Variants in LRP1B observed in about 807,000 individuals in gnomAD.
LRP1B encodes LDL receptor related protein 1B.
A neutral mutation model predicts 556.6 loss-of-function variants in LRP1B; 217 were observed. The ratio of observed to expected loss-of-function variants is 0.39; its 90% confidence interval spans 0.35 to 0.44. The LOEUF is 0.44. LRP1B is among the 20% of genes least tolerant of loss of function. LRP1B has a pLI of 1.00. For synonymous variants in LRP1B, 2,047 were observed against 1,865.8 expected, an observed-to-expected ratio of 1.10 and a Z score of -2.50; for missense variants, 5,053 against 5,620.8, an observed-to-expected ratio of 0.90 and a Z score of 3.23.
chr2:141,498,794 C>G (rs1158635421), intron 2 of LRP1B, among the ~76,000 whole-genome samples: 1 of 152,048 alleles, frequency 6.6e-6, no homozygotes, highest in Non-Finnish European at 1.5e-5. Flanking sequence ...ATCTCTGCCA[C>G]AGACATTCTC....
chr2:142,027,217 C>T (rs140831031), intron 1 of LRP1B, among the ~76,000 whole-genome samples: 243 of 151,270 alleles, frequency 1.6e-3, no homozygotes, highest in African/African-American at 5.6e-3. Flanking sequence ...AATGAGGATC[C>T]CCAAATTAAA....
At chr2:141,450,581 A>AT (rs1553516558) in intron 3 of LRP1B, among the ~76,000 whole-genome samples, 2 of 150,644 alleles carry the variant, frequency 1.3e-5, no homozygotes, top group Middle Eastern at 3.5e-3. Flanking sequence ...ATTTTAAAAA[A>AT]AAATATATAT....
In LRP1B at chr2:140,886,267, C is replaced by T. The variant is rs771606987; in HGVS notation, c.3835G>A (p.Asp1279Asn). 2 of 1,610,050 alleles carry T rather than the reference C, an allele frequency of 1.2e-6. No individual in the cohort carries two copies. The highest frequency in any genetic ancestry group is 2.2e-5 in the East Asian group (1 of 44,624). ...EIRRIDLHKR[D>N]YSLLVPGLRN... ...AATCCAGGAACAAGTAGACTATAGT[C>T]TCTTTTGTGAAGATCAATCCTTCTG... Residue 1279 changes from aspartate (D) to asparagine (N), a missense_variant, in exon 24 of 91, where the codon GAC (aspartate) becomes AAC (asparagine). This residue lies in a region of LRP1B where 3,619 missense variants were observed against 3,931.9 expected (regional missense o/e 0.92). Transcript: ENST00000389484.
Position 140,626,711 on chromosome 2 carries a change from A to T in LRP1B, c.6800-25072T>A, listed in dbSNP as rs1269225602. Among the ~76,000 whole-genome samples the T allele has an allele frequency of 1.7e-4, 26 of 151,790 alleles. No individual in the cohort carries two copies. In the East Asian group the frequency reaches 4.8e-3, roughly 28 times the overall value. On this transcript the variant is annotated intron_variant, in intron 41 of 90. Coordinates refer to ENST00000389484, the MANE Select transcript of LRP1B (RefSeq NM_018557.3). ...TTTAAAGCTTCCATTTAAAAAAAAAAAAAAAAGAGTAAATAAGGATCATCC... is the reference window on the plus strand; with the variant it reads ...TTTAAAGCTTCCATTTAAAAAAAAATAAAAAAGAGTAAATAAGGATCATCC...
chr2:140,909,173 A>G (rs1389945111), intron 21 of LRP1B, among the ~76,000 whole-genome samples: 5 of 152,154 alleles, frequency 3.3e-5, no homozygotes, highest in Non-Finnish European at 5.9e-5. Flanking sequence ...CTTATTAATT[A>G]TCTTTTCCAG....
intron 43 of LRP1B, among the ~76,000 whole-genome samples, chr2:140,593,652 G>A (rs1018509339): frequency 3.3e-5 from 5 of 151,906 alleles, no homozygotes; most frequent in Admixed American, 6.6e-5. Context: ...TTTTATCAAT[G>A]CAAGTCAAAA....
At chr2:140,694,096 T>C (rs1322977844) in intron 41 of LRP1B, among the ~76,000 whole-genome samples, 1 of 152,220 alleles carries the variant, frequency 6.6e-6, no homozygotes, top group African/African-American at 2.4e-5. Flanking sequence ...AAATATGCTA[T>C]GTTTAGTTAA....
chr2:140,619,384 A>G (rs1234590682), intron 41 of LRP1B, among the ~76,000 whole-genome samples: 1 of 152,142 alleles, frequency 6.6e-6, no homozygotes, highest in Non-Finnish European at 1.5e-5. Context: ...ATGTATATGT[A>G]TATACTTTTT....
chr2:141,085,198 AAC>A (rs1231800208), intron 7 of LRP1B, among the ~76,000 whole-genome samples: 1 of 152,096 alleles, frequency 6.6e-6, no homozygotes, highest in African/African-American at 2.4e-5. Flanking sequence ...TATATAGACA[AAC>A]ATTTTTTTCC....
intron 3 of LRP1B, among the ~76,000 whole-genome samples, chr2:141,434,463 GT>G (rs58419002): frequency 0.44 from 67,338 of 151,476 alleles, 15,717 homozygotes; most frequent in East Asian, 0.69. Context: ...TCTTTCTTAT[GT>G]TTTTTTTATT....
chr2:141,345,643 C>A (rs1410473672), intron 3 of LRP1B, among the ~76,000 whole-genome samples: 1 of 149,788 alleles, frequency 6.7e-6, no homozygotes, highest in Non-Finnish European at 1.5e-5. Context: ...GTGTGTGCCA[C>A]CATACCTGGC....
At chr2:141,069,214 G>A (rs1699567071) in intron 7 of LRP1B, among the ~76,000 whole-genome samples, 1 of 151,886 alleles carries the variant, frequency 6.6e-6, no homozygotes, top group African/African-American at 2.4e-5. Context: ...TATTATGAAA[G>A]CAAATTCGCT....
intron 1 of LRP1B, among the ~76,000 whole-genome samples, chr2:141,995,020 A>C (rs1702449801): frequency 6.6e-6 from 1 of 152,208 alleles, no homozygotes; most frequent in Admixed American, 6.5e-5. Flanking sequence ...GGACAAAACT[A>C]GGAATCCTTA....
chr2:141,691,588 G>A (rs530696226), intron 2 of LRP1B, among the ~76,000 whole-genome samples: 9 of 151,212 alleles, frequency 6.0e-5, no homozygotes, highest in Admixed American at 3.3e-4. Flanking sequence ...AAGCAAATGC[G>A]GGGGTCAATT....
intron 2 of LRP1B, among the ~76,000 whole-genome samples, chr2:141,498,622 G>C (rs1457081327): frequency 6.6e-6 from 1 of 151,916 alleles, no homozygotes; most frequent in African/African-American, 2.4e-5. Flanking sequence ...CCTTAAAAAA[G>C]TATCTAAATC....
chr2:141,096,669 AG>A (rs1700325639), intron 7 of LRP1B, among the ~76,000 whole-genome samples: 2 of 130,138 alleles, frequency 1.5e-5, no homozygotes, highest in African/African-American at 5.5e-5. Flanking sequence ...AGAGAGAGAG[AG>A]AGAGAGAGAG....
chr2:141,917,778 C>A (rs1700078914), intron 1 of LRP1B, among the ~76,000 whole-genome samples: 1 of 152,156 alleles, frequency 6.6e-6, no homozygotes, highest in Non-Finnish European at 1.5e-5. Context: ...CTTGCTTAAC[C>A]CTTTTCTTTA....
chr2:140,650,538 G>A (rs1034446310), intron 41 of LRP1B, among the ~76,000 whole-genome samples: 3 of 151,774 alleles, frequency 2.0e-5, no homozygotes, highest in African/African-American at 4.8e-5. Context: ...TAGAAGAGAC[G>A]GTGTTTCACC....
intron 7 of LRP1B, among the ~76,000 whole-genome samples, chr2:141,182,908 A>T (rs184339364): frequency 6.6e-6 from 1 of 151,990 alleles, no homozygotes; most frequent in Non-Finnish European, 1.5e-5. Flanking sequence ...AATGTAAATA[A>T]GCATTTTAAA....
Sources: allele counts gnomAD v4.1 joint callset (sites outside exome capture counted in the v4.1 genomes callset), GRCh38; gene constraint gnomAD v4.1.1; regional missense constraint gnomAD v4.1.1; transcripts MANE v1.5; gene names NCBI Gene and HGNC (gene_info 2026-07-23, HGNC 2026-07-21).